Variants in PDE6C observed in about 807,000 individuals in gnomAD.
PDE6C encodes phosphodiesterase 6C.
PDE6C carries 75 observed loss-of-function variants against 113.1 expected under a neutral mutation model. That is an observed-to-expected ratio of 0.66 (90% CI 0.55 to 0.80). PDE6C has a LOEUF of 0.80. Ranked by LOEUF, PDE6C falls within the 30% of genes least tolerant of loss-of-function variation. The probability of loss-of-function intolerance (pLI) is 0.00; values close to 1 mark genes in which losing one functional copy is unlikely to be tolerated. For missense variants in PDE6C, 912 were observed against 1,038.6 expected (o/e 0.88, Z 1.67); for synonymous variants, 375 against 363.7 (o/e 1.03, Z -0.35).
chr10:93,644,821 A>G (rs1474223599), intron 14 of PDE6C, among the ~76,000 whole-genome samples: 1 of 146,214 alleles, frequency 6.8e-6, no homozygotes, highest in Non-Finnish European at 1.5e-5. Flanking sequence ...TGTATATAGT[A>G]CTATATATAT....
At position 93,662,639 on chromosome 10, in the gene PDE6C, ATAAGG is replaced by A. The variant is rs796051871; in HGVS notation, c.2367+1_2367+5del. On this transcript the variant is annotated splice_donor_variant and coding_sequence_variant, in exon 20 of 22. Coordinates refer to ENST00000371447, the MANE Select transcript of PDE6C (RefSeq NM_006204.4). LOFTEE classifies it high-confidence loss of function. The stretch of plus-strand genomic sequence containing the variant: ...ATTGATTTTGTTTGTACTTTTGTAT[ATAAGG>A]TAAGTAAGCAAATTATTTGAATTAA... The A allele has an allele frequency of 1.5e-5, 19 of 1,286,244 alleles. No individual in the cohort carries two copies. In the South Asian group the frequency reaches 1.5e-4, roughly 10 times the overall value. The allele number at this position is 1,286,244 out of a possible 1,614,324, so 79.7% of individuals were successfully genotyped here.
At chr10:93,637,242 T>C (rs1258384751) in intron 11 of PDE6C, among the ~76,000 whole-genome samples, 179 bp downstream of exon 11, 1 of 152,260 alleles carries the variant, frequency 6.6e-6, no homozygotes, top group Non-Finnish European at 1.5e-5. Flanking sequence ...CCTGCTTTTC[T>C]TCATCTTTGT....
rs188110369 is a variant in PDE6C, at chr10:93,630,575, T to C, written c.1119+1270T>C. The stretch of plus-strand genomic sequence containing the variant: ...TCTGGGCACTTGTTATTCTCTGTCC[T>C]GTATTTAAAAAAACATCCCCTTAGA... On this transcript the variant is annotated intron_variant, in intron 8 of 21. Transcript: ENST00000371447. 1.2e-4 allele frequency among the ~76,000 whole-genome samples: 19 copies of C among 152,166 alleles called. No individual in the cohort carries two copies. In the East Asian group the frequency reaches 3.7e-3, roughly 29 times the overall value.
intron 3 of PDE6C, among the ~76,000 whole-genome samples, chr10:93,621,606 C>A (rs577879625): frequency 8.5e-5 from 13 of 152,178 alleles, no homozygotes; most frequent in Non-Finnish European, 1.8e-4. Flanking sequence ...AGCCAGTGGG[C>A]CACCGATACT....
chr10:93,654,581 T>C (rs2058624043), intron 15 of PDE6C, among the ~76,000 whole-genome samples: 1 of 152,214 alleles, frequency 6.6e-6, no homozygotes, highest in South Asian at 2.1e-4. Context: ...TCTCTTTATA[T>C]AGTTTGATAG....
chr10:93,665,522 A>G lies in PDE6C; in HGVS notation c.*104A>G. 3 of 804,904 alleles carry G rather than the reference A, an allele frequency of 3.7e-6. No individual in the cohort carries two copies. The highest frequency in any genetic ancestry group is 6.5e-6 in the Non-Finnish European group (3 of 461,678). The allele number at this position is 804,904 out of a possible 1,614,324, so 49.9% of individuals were successfully genotyped here. A position where few individuals can be genotyped will look rare whatever the true frequency, so the allele number is the denominator to read the frequency against. On this transcript the variant is annotated 3_prime_UTR_variant, in exon 22 of 22. Transcript: ENST00000371447. ...AATCATCACGTAACAGGATCTTCAG[A>G]AAAACTACCCTGTGACTATGAAGAA...
intron 10 of PDE6C, among the ~76,000 whole-genome samples, chr10:93,635,924 A>G (rs1337931752): frequency 2.0e-5 from 3 of 152,208 alleles, no homozygotes; most frequent in Non-Finnish European, 4.4e-5. Context: ...AGGGAAATGT[A>G]TCAGTCAGCT....
Position 93,665,420 on chromosome 10 carries a change from A to G in PDE6C, c.*2A>G. The stretch of plus-strand genomic sequence containing the variant: ...TCCAAAACATGTTTAATGTTGTAAT[A>G]TTATCTAACTGGTCTAAACTTCAAA... On this transcript the variant is annotated 3_prime_UTR_variant, in exon 22 of 22. Coordinates refer to ENST00000371447, the MANE Select transcript of PDE6C (RefSeq NM_006204.4). 6.4e-7 allele frequency: 1 copy of G among 1,562,882 alleles called. No individual in the cohort carries two copies. The highest frequency in any genetic ancestry group is 8.8e-7 in the Non-Finnish European group (1 of 1,133,416).
At chr10:93,649,631 G>A (rs1036847816) in intron 15 of PDE6C, among the ~76,000 whole-genome samples, 2 of 152,092 alleles carry the variant, frequency 1.3e-5, no homozygotes, top group East Asian at 3.9e-4. Flanking sequence ...TTGAGACGGA[G>A]TCTCATCCTG....
intron 15 of PDE6C, among the ~76,000 whole-genome samples, chr10:93,655,434 A>T (rs1394754704): frequency 6.6e-6 from 1 of 152,072 alleles, no homozygotes; most frequent in Non-Finnish European, 1.5e-5. Context: ...TTTTTAATCT[A>T]TTGTTATTTA....
intron 8 of PDE6C, among the ~76,000 whole-genome samples, chr10:93,633,477 A>T (rs11187563): frequency 0.091 from 13,277 of 146,168 alleles, 877 homozygotes; most frequent in African/African-American, 0.12. Flanking sequence ...AAAAAAAAAA[A>T]AAATAAAAAA....
chr10:93,636,734 A>G (rs7097667), intron 10 of PDE6C, among the ~76,000 whole-genome samples: 68,361 of 151,816 alleles, frequency 0.45, 16,815 homozygotes, highest in South Asian at 0.64. Context: ...CAAAGAATGC[A>G]TCTTTGCCAT....
At chr10:93,655,684 C>G (rs559318084) in intron 15 of PDE6C, 76 bp from the exon 16 acceptor site, 84 of 572,138 alleles carry the variant, frequency 1.5e-4, no homozygotes, top group East Asian at 1.4e-3. Flanking sequence ...TTTAGATTTT[C>G]TTCTTGTTAA....
At chr10:93,646,118 TG>T (rs1444088523) in intron 15 of PDE6C, 71 bp downstream of exon 15, 2 of 920,772 alleles carry the variant, frequency 2.2e-6, no homozygotes, top group African/African-American at 3.2e-5. Flanking sequence ...AGAAAATGCT[TG>T]GAAAAAGGGT....
intron 1 of PDE6C, among the ~76,000 whole-genome samples, chr10:93,619,579 A>G (rs1156643317): frequency 6.6e-6 from 1 of 152,154 alleles, no homozygotes; most frequent in African/African-American, 2.4e-5. Context: ...GGGGCGTGCC[A>G]CCACGCTTGG....
At position 93,620,956 on chromosome 10, in the gene PDE6C, C is replaced by G; in HGVS notation, c.699C>G (p.Tyr233Ter). 6.2e-7 allele frequency: 1 copy of G among 1,613,866 alleles called. No individual in the cohort carries two copies. The highest frequency in any genetic ancestry group is 8.5e-7 in the Non-Finnish European group (1 of 1,179,798). Reference sequence around the variant, plus strand: ...GGCTTCATCACACCAGCTACATGTACAATATTGAATCCCGAAGAAGCCAGG... The same window carrying G: ...GGCTTCATCACACCAGCTACATGTAGAATATTGAATCCCGAAGAAGCCAGG... The part of the protein sequence containing the change: ...ILRLHHTSYM[Y>*]NIESRRSQIL... Residue 233 changes from tyrosine to a stop codon, truncating the protein, a stop_gained, in exon 3 of 22, where the codon TAC becomes TAG. Transcript: ENST00000371447. LOFTEE classifies it high-confidence loss of function.
chr10:93,653,105 A>G (rs1213120874), intron 15 of PDE6C, among the ~76,000 whole-genome samples: 3 of 152,194 alleles, frequency 2.0e-5, no homozygotes, highest in Non-Finnish European at 2.9e-5. Context: ...AGCAATGTTC[A>G]TCAGTGAACA....
intron 1 of PDE6C, among the ~76,000 whole-genome samples, chr10:93,615,644 A>T (rs1257658381): frequency 6.6e-6 from 1 of 152,214 alleles, no homozygotes; most frequent in African/African-American, 2.4e-5. Context: ...GGACTTTCAA[A>T]GTGCTGGGAT....
chr10:93,612,636 A>G lies in PDE6C; in HGVS notation c.-90A>G, dbSNP rs2058396749. The G allele has an allele frequency of 1.9e-6, 3 of 1,574,814 alleles. No homozygotes were observed. Among genetic ancestry groups the G allele is most frequent in the African/African-American group, 1.3e-5 (1 of 74,292 alleles). On this transcript the variant is annotated 5_prime_UTR_variant, in exon 1 of 22. Coordinates refer to ENST00000371447, the MANE Select transcript of PDE6C (RefSeq NM_006204.4). ...ATTTACGGTTTCCTCAGTAATTTCC[A>G]CCAGGATGAATTTCCTTCTCATCAC...
Sources: allele counts gnomAD v4.1 joint callset (sites outside exome capture counted in the v4.1 genomes callset), GRCh38; gene constraint gnomAD v4.1.1; transcripts MANE v1.5; gene names NCBI Gene and HGNC (gene_info 2026-07-23, HGNC 2026-07-21).